Variants in SLC39A9 observed in about 807,000 individuals in gnomAD.
SLC39A9 encodes the protein zinc transporter ZIP9.
A neutral mutation model predicts 28.4 loss-of-function variants in SLC39A9; 14 were observed. That is an observed-to-expected ratio of 0.49 (90% CI 0.33 to 0.77). SLC39A9 has a LOEUF of 0.77. Among genes scored for constraint, SLC39A9 ranks in the 30% least tolerant of loss-of-function variants. The pLI, the probability that SLC39A9 is intolerant of heterozygous loss-of-function variation, is 0.02. For synonymous variants in SLC39A9, 119 were observed against 149.6 expected (o/e 0.80, Z 1.49); for missense variants, 283 against 381.1 (o/e 0.74, Z 2.14).
chr14:69,434,318 A>T (rs1404506034), intron 2 of SLC39A9, among the ~76,000 whole-genome samples: 3 of 151,478 alleles, frequency 2.0e-5, no homozygotes, highest in African/African-American at 4.8e-5. Flanking sequence ...TCCTGACCTC[A>T]GGTGATCCAC....
At chr14:69,446,285 T>C (rs1277259497) in intron 3 of SLC39A9, among the ~76,000 whole-genome samples, 1 of 150,080 alleles carries the variant, frequency 6.7e-6, no homozygotes, top group East Asian at 1.9e-4. Flanking sequence ...TATACATATA[T>C]ATATATATAT....
Position 69,408,054 on chromosome 14 carries a change from CCCAGG to C in SLC39A9, c.96+8591_96+8595del, listed in dbSNP as rs1410040679. ...TTTGAGATGGAGTCTTGCTCTGTTG[CCCAGG>C]CAGGAGTGCAGTGGTATGATCTTGG... On this transcript the variant is annotated intron_variant, in intron 1 of 6. Transcript: ENST00000336643. 3.9e-5 allele frequency among the ~76,000 whole-genome samples: 6 copies of C among 152,112 alleles called. No individual in the cohort carries two copies. In the East Asian group the frequency reaches 1.2e-3, roughly 29 times the overall value.
At chr14:69,441,318 T>A (rs1281801798) in intron 2 of SLC39A9, among the ~76,000 whole-genome samples, 2 of 152,202 alleles carry the variant, frequency 1.3e-5, no homozygotes, top group Non-Finnish European at 2.9e-5. Flanking sequence ...TTAATCTGAT[T>A]ATAAATGATA....
At chr14:69,435,355 T>C (rs914840949) in intron 2 of SLC39A9, among the ~76,000 whole-genome samples, 6 of 152,256 alleles carry the variant, frequency 3.9e-5, no homozygotes, top group Non-Finnish European at 7.3e-5. Context: ...AATTTTAATA[T>C]AACCATTCAG....
chr14:69,409,590 C>T (rs1038351829), intron 1 of SLC39A9, among the ~76,000 whole-genome samples: 2 of 152,210 alleles, frequency 1.3e-5, no homozygotes, highest in African/African-American at 4.8e-5. Context: ...ATCGTCTTGT[C>T]TTGGCCTCCC....
intron 1 of SLC39A9, among the ~76,000 whole-genome samples, chr14:69,411,963 A>G (rs1294588594): frequency 6.6e-6 from 1 of 151,710 alleles, no homozygotes; most frequent in African/African-American, 2.4e-5. Flanking sequence ...TTGTATTTTT[A>G]GTAGAGATGG....
Position 69,461,808 on chromosome 14 carries a change from A to G in SLC39A9, c.*3215A>G, listed in dbSNP as rs886087739. ...TGACAGCAGCACAAACCCCCAAAGG[A>G]TGTTCCTGCCTTGTGGGCCCCTGAG... On this transcript the variant is annotated 3_prime_UTR_variant, in exon 7 of 7. Coordinates refer to ENST00000336643, the MANE Select transcript of SLC39A9 (RefSeq NM_018375.5). 1.1e-5 allele frequency: 16 copies of G among 1,480,902 alleles called. No individual in the cohort carries two copies. Among genetic ancestry groups the G allele is most frequent in the Non-Finnish European group, 1.4e-5 (16 of 1,106,104 alleles). 91.7% of individuals were successfully genotyped at this position (1,480,902 alleles called of 1,614,324 possible). A position where few individuals can be genotyped will look rare whatever the true frequency, so the allele number is the denominator to read the frequency against.
At chr14:69,458,251 G>GT in intron 6 of SLC39A9, 112 bp from the exon 7 acceptor site, 1 of 1,341,156 alleles carries the variant, frequency 7.5e-7, no homozygotes, top group South Asian at 1.4e-5. Flanking sequence ...GATGTCCCCA[G>GT]TGTCCTAGAC....
intron 2 of SLC39A9, among the ~76,000 whole-genome samples, chr14:69,437,189 T>C (rs1409719125): frequency 6.6e-6 from 1 of 152,048 alleles, no homozygotes; most frequent in African/African-American, 2.4e-5. Context: ...TTCTATTTGC[T>C]CTGGCCAGAA....
At chr14:69,426,227 C>T (rs1884181526) in intron 2 of SLC39A9, among the ~76,000 whole-genome samples, 1 of 152,160 alleles carries the variant, frequency 6.6e-6, no homozygotes, top group African/African-American at 2.4e-5. Flanking sequence ...CCCAAGACTG[C>T]TCCCTCCTTC....
At chr14:69,445,233 G>GC (rs573078475) in intron 3 of SLC39A9, among the ~76,000 whole-genome samples, 2 of 151,712 alleles carry the variant, frequency 1.3e-5, no homozygotes, top group East Asian at 3.9e-4. Flanking sequence ...TGCCTCTCCT[G>GC]CCCCCCTTCC....
In SLC39A9 at chr14:69,460,916, A is replaced by C. The variant is rs1886085680; in HGVS notation, c.*2323A>C. The C allele has an allele frequency of 1.0e-6, 1 of 985,462 alleles. No individual in the cohort carries two copies. Among genetic ancestry groups the C allele is most frequent in the Non-Finnish European group, 1.2e-6 (1 of 830,054 alleles). 61.0% of individuals were successfully genotyped at this position (985,462 alleles called of 1,614,324 possible). A position where few individuals can be genotyped will look rare whatever the true frequency, so the allele number is the denominator to read the frequency against. On this transcript the variant is annotated 3_prime_UTR_variant, in exon 7 of 7. Coordinates refer to ENST00000336643, the MANE Select transcript of SLC39A9 (RefSeq NM_018375.5). ...GGGCTCAAATGCATCTTCAGGCAGCAGGGAACCAAGCAGCGTGGCACAGGC... is the reference window on the plus strand; with the variant it reads ...GGGCTCAAATGCATCTTCAGGCAGCCGGGAACCAAGCAGCGTGGCACAGGC...
intron 1 of SLC39A9, among the ~76,000 whole-genome samples, chr14:69,423,144 AAT>A (rs1883993280): frequency 6.6e-6 from 1 of 152,236 alleles, no homozygotes; most frequent in South Asian, 2.1e-4. Flanking sequence ...AAAAATTGTT[AAT>A]GTTTAATATA....
At chr14:69,450,011 C>A (rs946900136) in intron 3 of SLC39A9, among the ~76,000 whole-genome samples, 6 of 151,906 alleles carry the variant, frequency 3.9e-5, no homozygotes, top group African/African-American at 1.5e-4. Flanking sequence ...CATAGTGAAA[C>A]CCCGTCTCTA....
intron 1 of SLC39A9, among the ~76,000 whole-genome samples, chr14:69,405,690 GATT>G (rs1347935455): frequency 8.5e-5 from 13 of 152,246 alleles, no homozygotes; most frequent in African/African-American, 2.6e-4. Flanking sequence ...TTGAACTACA[GATT>G]ATTGTTTCAT....
intron 3 of SLC39A9, among the ~76,000 whole-genome samples, chr14:69,449,915 C>T (rs1309464699): frequency 6.6e-6 from 1 of 151,720 alleles, no homozygotes; most frequent in Admixed American, 6.6e-5. Context: ...GGGCTGGGCA[C>T]GGTGGCTCAC....
Position 69,438,024 on chromosome 14 carries a change from C to CTT in SLC39A9, c.206-4032_206-4031dup, listed in dbSNP as rs374673006. ...TCTTTTCTTACCCTCTTCCCTTACCCTTTTTTTTTTTTTTGAGACAGAGTT... is the reference window on the plus strand; with the variant it reads ...TCTTTTCTTACCCTCTTCCCTTACCCTTTTTTTTTTTTTTTTGAGACAGAGTT... On this transcript the variant is annotated intron_variant, in intron 2 of 6. Coordinates refer to ENST00000336643, the MANE Select transcript of SLC39A9 (RefSeq NM_018375.5). Among the ~76,000 whole-genome samples, 722 of 140,380 alleles carry CTT rather than the reference C, an allele frequency of 5.1e-3. 12 individuals are homozygous for CTT. Among genetic ancestry groups the CTT allele is most frequent in the South Asian group, 0.04 (176 of 4,418 alleles). The allele number at this position is 140,380 out of a possible 152,430, so 92.1% of individuals were successfully genotyped here.
chr14:69,435,059 T>A (rs1197643798), intron 2 of SLC39A9, among the ~76,000 whole-genome samples: 1 of 152,212 alleles, frequency 6.6e-6, no homozygotes, highest in Non-Finnish European at 1.5e-5. Flanking sequence ...AGAATGTACA[T>A]TCTCTTGTTC....
At chr14:69,412,792 A>T (rs1395488046) in intron 1 of SLC39A9, among the ~76,000 whole-genome samples, 1 of 152,240 alleles carries the variant, frequency 6.6e-6, no homozygotes, top group African/African-American at 2.4e-5. Flanking sequence ...CAGTAAACAT[A>T]GTGTTGAGTG....
Sources: allele counts gnomAD v4.1 joint callset (sites outside exome capture counted in the v4.1 genomes callset), GRCh38; gene constraint gnomAD v4.1.1; transcripts MANE v1.5; gene names NCBI Gene and HGNC (gene_info 2026-07-23, HGNC 2026-07-21).